Variants in ASAH1 observed in about 807,000 individuals in gnomAD.
The protein encoded by ASAH1 is N-acylsphingosine amidohydrolase 1, also known as acid ceramidase.
ASAH1 carries 70 observed loss-of-function variants against 59.5 expected under a neutral mutation model. That is an observed-to-expected ratio of 1.18 (90% CI 0.97 to 1.43). The LOEUF (loss-of-function observed/expected upper bound fraction) is 1.43. Ranked by LOEUF, ASAH1 falls within the 40% of genes most tolerant of loss-of-function variation. The pLI is 0.00. For synonymous variants in ASAH1, 213 were observed against 166.5 expected (o/e 1.28, Z -2.15); for missense variants, 660 against 482.5 (o/e 1.37, Z -3.45).
At chr8:18,059,220 G>A (rs1799587040) in intron 12 of ASAH1, 121 bp downstream of exon 12, 2 of 1,491,082 alleles carry the variant, frequency 1.3e-6, no homozygotes, top group Non-Finnish European at 1.8e-6. Flanking sequence ...GTGGAGAGTG[G>A]CTAGAGATAC....
intron 3 of ASAH1, among the ~76,000 whole-genome samples, chr8:18,070,214 A>G (rs1488398559): frequency 6.6e-6 from 1 of 151,754 alleles, no homozygotes; most frequent in Admixed American, 6.6e-5. Flanking sequence ...CAATGGCACG[A>G]TCTCTGCTCA....
At chr8:18,063,308 ATTAAT>A (rs200910951) in intron 6 of ASAH1, 78 bp from the exon 7 acceptor site, 51,496 of 1,349,734 alleles carry the variant, frequency 0.038, 1,288 homozygotes, top group Non-Finnish European at 0.046. Flanking sequence ...ATTTTGATTA[ATTAAT>A]TTATTTTTGA....
At chr8:18,064,301 G>T (rs4921565) in intron 6 of ASAH1, 156 bp downstream of exon 6, 1 of 675,016 alleles carries the variant, frequency 1.5e-6, no homozygotes. Context: ...AAAATTTTCA[G>T]TACAATCACA....
At chr8:18,081,490 T>C (rs1380336224) in intron 1 of ASAH1, among the ~76,000 whole-genome samples, 1 of 152,242 alleles carries the variant, frequency 6.6e-6, no homozygotes, top group Non-Finnish European at 1.5e-5. Flanking sequence ...TTCTGAATCC[T>C]TAATAAGAGT....
At chr8:18,061,242 G>A (rs1799685736) in intron 10 of ASAH1, 135 bp downstream of exon 10, 2 of 702,856 alleles carry the variant, frequency 2.8e-6, no homozygotes, top group Non-Finnish European at 4.8e-6. Context: ...AATTCCACAT[G>A]AGTGTCAGAG....
In ASAH1 at chr8:18,067,270, G is replaced by A; in HGVS notation, c.332C>T (p.Pro111Leu). Residue 111 changes from proline to leucine, a missense_variant, in exon 5 of 14, where the codon CCT (proline) becomes CTT (leucine). Transcript: ENST00000637790. ...LPGLLGNFPG[P>L]FEEEMKGIAA... ...AATACCCTTCATTTCCTCTTCAAAA[G>A]GGCCAGGAAAGTTGCCAAGTAGGCC... The A allele has an allele frequency of 1.3e-6, 2 of 1,598,586 alleles. No individual in the cohort carries two copies. Among genetic ancestry groups the A allele is most frequent in the South Asian group, 1.1e-5 (1 of 87,614 alleles).
rs1353554651 is a variant in ASAH1, at chr8:18,056,692, A to C, written c.*842T>G. On this transcript the variant is annotated 3_prime_UTR_variant, in exon 14 of 14. Transcript: ENST00000637790. ...CCTATCAATCTGAAGAACAAACTAA[A>C]AACCTGTTTATTACATGAATGCTAC... 1 of 152,194 alleles carries C rather than the reference A, an allele frequency of 6.6e-6. No homozygotes were observed. 9.4% of individuals were successfully genotyped at this position (152,194 alleles called of 1,614,324 possible).
chr8:18,075,694 GCT>G (rs1800376013), intron 1 of ASAH1, 107 bp from the exon 2 acceptor site: 1 of 1,011,566 alleles, frequency 9.9e-7, no homozygotes, highest in Admixed American at 1.8e-5. Context: ...GTCTGATATT[GCT>G]CTTTTATACG....
At chr8:18,060,152 G>A (rs945765654) in intron 10 of ASAH1, 18 of 169,914 alleles carry the variant, frequency 1.1e-4, no homozygotes, top group African/African-American at 4.3e-4. Flanking sequence ...TAAGGAATGT[G>A]TTATTTATTT....
chr8:18,058,680 A>G, intron 13 of ASAH1, 155 bp downstream of exon 13: 1 of 664,920 alleles, frequency 1.5e-6, no homozygotes, highest in South Asian at 1.8e-5. Flanking sequence ...TCCAAAATAC[A>G]GTTTTAGCCA....
intron 1 of ASAH1, chr8:18,076,018 G>C (rs1013304437): frequency 7.8e-6 from 2 of 255,904 alleles, no homozygotes; most frequent in Non-Finnish European, 7.7e-6. Flanking sequence ...ACACAGCACA[G>C]GGCCCTTCAT....
At position 18,083,988 on chromosome 8, in the gene ASAH1, G is replaced by T. The variant is rs1427656430; in HGVS notation, c.71C>A (p.Ala24Glu). 6.3e-7 allele frequency: 1 copy of T among 1,597,770 alleles called. No homozygotes were observed. Among genetic ancestry groups the T allele is most frequent in the East Asian group, 2.2e-5 (1 of 44,840 alleles). Reference sequence around the variant, plus strand: ...CGGCTCAAGCTCACTCACCGGCGGCGCGTGCTGCGCGACGGCACAGCTGAC... The same window carrying T: ...CGGCTCAAGCTCACTCACCGGCGGCTCGTGCTGCGCGACGGCACAGCTGAC... ...AAVSCAVAQH[A>E]PPWTEDCRKS... Residue 24 changes from alanine (A) to glutamate (E), a missense_variant, in exon 1 of 14, where the codon GCG becomes GAG. Coordinates refer to ENST00000637790, the MANE Select transcript of ASAH1 (RefSeq NM_177924.5).
intron 10 of ASAH1, 39 bp downstream of exon 10, chr8:18,061,338 A>G: frequency 6.7e-7 from 1 of 1,494,114 alleles, no homozygotes; most frequent in Non-Finnish European, 9.2e-7. Context: ...TGAGTAATTT[A>G]AAATAAATAT....
At chr8:18,083,865 AAAG>A in intron 1 of ASAH1, 113 bp downstream of exon 1, 6 of 1,520,980 alleles carry the variant, frequency 3.9e-6, no homozygotes, top group East Asian at 2.5e-5. Flanking sequence ...AGACCCCCGT[AAAG>A]AAGCTGCCCA....
At position 18,069,780 on chromosome 8, in the gene ASAH1, A is replaced by G; in HGVS notation, c.303+12T>C. 6.6e-7 allele frequency: 1 copy of G among 1,517,334 alleles called. No homozygotes were observed. The highest frequency in any genetic ancestry group is 2.2e-5 in the East Asian group (1 of 44,456). The allele number at this position is 1,517,334 out of a possible 1,614,324, so 94.0% of individuals were successfully genotyped here. On this transcript the variant is annotated intron_variant, in intron 4 of 13. Transcript: ENST00000637790. ...GTGCTTAACATTTATTGTGAGAAAT[A>G]ATATCTCTTACCAATTTTTCATCCA...
chr8:18,073,269 G>A (rs1200687552), intron 2 of ASAH1: 11 of 1,578,778 alleles, frequency 7.0e-6, no homozygotes, highest in East Asian at 2.2e-5. Context: ...ATAACAGCAG[G>A]GAAGACACTA....
chr8:18,081,962 A>T (rs2117100242), intron 1 of ASAH1, among the ~76,000 whole-genome samples: 1 of 152,368 alleles, frequency 6.6e-6, no homozygotes, highest in Non-Finnish European at 1.5e-5. Flanking sequence ...ATTCTGCCAA[A>T]TGGAGATGTT....
At position 18,079,284 on chromosome 8, in the gene ASAH1, A is replaced by C. The variant is rs546223180; in HGVS notation, c.79-3697T>G. 5.3e-4 allele frequency among the ~76,000 whole-genome samples: 80 copies of C among 151,550 alleles called. No homozygotes were observed. In the East Asian group the frequency reaches 0.014, roughly 26 times the overall value. On this transcript the variant is annotated intron_variant, in intron 1 of 13. Transcript: ENST00000637790. ...CAAGACTCCATCTCAGAAAAAAAAA[A>C]AAAACAAAAAACTCTCTGGAAAGTG...
At position 18,059,668 on chromosome 8, in the gene ASAH1, T is replaced by C. The variant is rs1456205422; in HGVS notation, c.821A>G (p.Lys274Arg). 1 of 1,614,218 alleles carries C rather than the reference T, an allele frequency of 6.2e-7. No individual in the cohort carries two copies. Among genetic ancestry groups the C allele is most frequent in the Non-Finnish European group, 8.5e-7 (1 of 1,180,032 alleles). The change falls in exon 11 of 14, where the codon AAG becomes AGG. Residue 274 changes from lysine to arginine, a missense_variant. Physicochemically the swap from Lys to Arg is conservative, Grantham distance 26 (BLOSUM62 2). Transcript: ENST00000637790. ...GATAAAGTAGGCTGGGGCCAATATC[T>C]TGGTCTTGGTCAATAAATTCTTGGC... The part of the protein sequence containing the change: ...EEAKNLLTKT[K>R]ILAPAYFILG...
Sources: gnomAD v4.1 joint callset for allele counts (sites outside exome capture counted in the v4.1 genomes callset) on GRCh38, gnomAD v4.1.1 for gene constraint, MANE v1.5 for transcripts, NCBI Gene and HGNC (gene_info 2026-07-23, HGNC 2026-07-21) for gene names.